The following TCEANC variants were observed in gnomAD, a reference collection of about 807,000 sequenced individuals.
TCEANC encodes the protein transcription elongation factor A N-terminal and central domain containing, also known as transcription elongation factor A N-terminal and central domain-containing protein.
Under a neutral mutation model 8.7 loss-of-function variants are expected in TCEANC, and 8 were observed. That is an observed-to-expected ratio of 0.92 (90% CI 0.54 to 1.65). The LOEUF (loss-of-function observed/expected upper bound fraction) is 1.65, where lower values mean the gene tolerates loss of function less well. Among genes scored for constraint, TCEANC ranks in the 40% most tolerant of loss-of-function variants. The probability of loss-of-function intolerance (pLI) is 0.00; values close to 1 mark genes in which losing one functional copy is unlikely to be tolerated. For missense variants in TCEANC, 255 were observed against 251.9 expected (o/e 1.01, Z -0.08); for synonymous variants, 78 against 92.9 (o/e 0.84, Z 0.92).
Position 13,662,483 on chromosome X carries a change from C to T in TCEANC, c.-8-18C>T, listed in dbSNP as rs778163207. Reference sequence around the variant, plus strand: ...AACGGCAAACTTAAGAAAACTGAAACCTCTTTTTTCTTTGCAGCTGTAAAG... The same window carrying T: ...AACGGCAAACTTAAGAAAACTGAAATCTCTTTTTTCTTTGCAGCTGTAAAG... On this transcript the variant is annotated intron_variant, in intron 1 of 1. Coordinates refer to ENST00000380600, the Ensembl canonical transcript of TCEANC. The T allele has an allele frequency of 2.6e-6, 3 of 1,166,823 alleles. No homozygotes were observed. The highest frequency in any genetic ancestry group is 2.7e-5 in the Admixed American group (1 of 37,306).
intron 1 of TCEANC, 72 bp from the exon 5 acceptor site, chrX:13,662,429 T>A (rs1168411993): frequency 1.0e-6 from 1 of 972,139 alleles, no homozygotes; most frequent in Non-Finnish European, 1.4e-6. Flanking sequence ...CAGAAAGTGC[T>A]ATTTTAGTAT....
At chrX:13,653,981 AC>A (rs1444837243), upstream of TCEANC, among the ~76,000 whole-genome samples, 1 of 111,977 alleles carries the variant, frequency 8.9e-6, no homozygotes, top group East Asian at 2.8e-4. Flanking sequence ...CAGTTCTAGA[AC>A]CGTGGCGTCC....
chrX:13,663,827 G>T lies in TCEANC; in HGVS notation c.*263G>T. The T allele has an allele frequency of 7.5e-6, 2 of 266,652 alleles. 1 individual carries two copies. Among genetic ancestry groups the T allele is most frequent in the Middle Eastern group, 2.3e-3 (2 of 885 alleles). The allele number at this position is 266,652 out of a possible 1,213,427, so 22.0% of individuals were successfully genotyped here. On this transcript the variant is annotated 3_prime_UTR_variant, in exon 2 of 2. Coordinates refer to ENST00000380600, the Ensembl canonical transcript of TCEANC. ...GGTGAGAACAGCCCAGCATAAACTG[G>T]GAGACTGTGGGAAATGCATTCCCAG...
chrX:13,663,277 A>T (rs752241687), exon 2 of TCEANC: 1 of 1,201,937 alleles, frequency 8.3e-7, no homozygotes, highest in Non-Finnish European at 1.1e-6. Flanking sequence ...TGCTGAAATG[A>T]CTGTCATGGA....
At chrX:13,653,983 C>G (rs1464143197), upstream of TCEANC, among the ~76,000 whole-genome samples, 2 of 112,065 alleles carry the variant, frequency 1.8e-5, no homozygotes, top group South Asian at 3.7e-4. Context: ...GTTCTAGAAC[C>G]GTGGCGTCCC....
Position 13,655,381 on chromosome X carries a change from A to G in TCEANC, c.-9+8A>G, listed in dbSNP as rs1386721958. The stretch of plus-strand genomic sequence containing the variant: ...GCCTTCCACTGTGAAGAGGTAAGTG[A>G]GAGGGTGAATATCAGGAATTGTGTA... On this transcript the variant is annotated splice_region_variant and intron_variant, in intron 1 of 1. Transcript: ENST00000380600. 8.9e-6 allele frequency: 1 copy of G among 112,278 alleles called. No individual in the cohort carries two copies. The highest frequency in any genetic ancestry group is 2.8e-4 in the East Asian group (1 of 3,620). The allele number at this position is 112,278 out of a possible 1,213,427, so 9.3% of individuals were successfully genotyped here. A position where few individuals can be genotyped will look rare whatever the true frequency, so the allele number is the denominator to read the frequency against.
upstream of TCEANC, among the ~76,000 whole-genome samples, chrX:13,654,049 G>A (rs916238464): frequency 8.9e-6 from 1 of 112,186 alleles, no homozygotes; most frequent in Admixed American, 9.4e-5. Context: ...TGGCTAGTCC[G>A]AATTGAGATG....
chrX:13,657,040 C>G (rs951573684), intron 1 of TCEANC, among the ~76,000 whole-genome samples: 2 of 111,845 alleles, frequency 1.8e-5, no homozygotes, highest in Non-Finnish European at 3.8e-5. Context: ...ATGGCAGGGA[C>G]TGTGTCTTTT....
exon 2 of TCEANC, chrX:13,662,559 G>C: frequency 8.3e-7 from 1 of 1,211,727 alleles, no homozygotes. Flanking sequence ...TTGAGCAACT[G>C]ATGTCCAAAA....
intron 1 of TCEANC, among the ~76,000 whole-genome samples, chrX:13,660,058 T>C (rs1459655387): frequency 8.9e-6 from 1 of 112,288 alleles, no homozygotes; most frequent in African/African-American, 3.2e-5. Flanking sequence ...GCATATAGTT[T>C]ATCATGAAAT....
chrX:13,660,867 C>T (rs758570421), intron 1 of TCEANC, among the ~76,000 whole-genome samples, 164 bp from the exon 4 acceptor site: 1 of 111,321 alleles, frequency 9.0e-6, no homozygotes, highest in Non-Finnish European at 1.9e-5. Context: ...TTTTTTTAGA[C>T]AGAGTCTTGC....
intron 1 of TCEANC, among the ~76,000 whole-genome samples, chrX:13,656,990 G>A (rs1359935507): frequency 8.9e-6 from 1 of 112,191 alleles, no homozygotes; most frequent in Non-Finnish European, 1.9e-5. Context: ...AGAGTTTTCA[G>A]TTTGGGAGGA....
intron 1 of TCEANC, among the ~76,000 whole-genome samples, chrX:13,661,551 GC>G (rs1569217478): frequency 8.9e-6 from 1 of 112,031 alleles, no homozygotes; most frequent in African/African-American, 3.2e-5. Flanking sequence ...ATAAAACAGA[GC>G]CCATGGATTT....
chrX:13,662,497 G>T lies in TCEANC; in HGVS notation c.-8-4G>T. On this transcript the variant is annotated splice_region_variant and splice_polypyrimidine_tract_variant and intron_variant, in intron 1 of 1. Coordinates refer to ENST00000380600, the Ensembl canonical transcript of TCEANC. ...GAAAACTGAAACCTCTTTTTTCTTT[G>T]CAGCTGTAAAGATGTCTGACAAGAA... 1 of 1,178,037 alleles carries T rather than the reference G, an allele frequency of 8.5e-7. No homozygotes were observed. The highest frequency in any genetic ancestry group is 2.6e-5 in the Admixed American group (1 of 38,167).
At chrX:13,655,583 G>A (rs2045918917) in intron 1 of TCEANC, among the ~76,000 whole-genome samples, 1 of 112,072 alleles carries the variant, frequency 8.9e-6, no homozygotes, top group African/African-American at 3.2e-5. Flanking sequence ...TGTCTTTGGG[G>A]CTGATGGCAG....
rs1265113863 is a variant in TCEANC at position 13,662,382 on chromosome X, A to G, written c.-8-119A>G. 12 of 614,386 alleles carry G rather than the reference A, an allele frequency of 2.0e-5. No individual in the cohort carries two copies. The East Asian group carries it at 3.9e-4, about 20-fold the overall frequency. 50.6% of individuals were successfully genotyped at this position (614,386 alleles called of 1,213,427 possible). On this transcript the variant is annotated intron_variant, in intron 1 of 1. Coordinates refer to ENST00000380600, the Ensembl canonical transcript of TCEANC. ...CTAGCGTGTCGCATACATTTGTATTACATGACTCTTTCGGAAAACATTGCC... is the reference window on the plus strand; with the variant it reads ...CTAGCGTGTCGCATACATTTGTATTGCATGACTCTTTCGGAAAACATTGCC...
upstream of TCEANC, among the ~76,000 whole-genome samples, chrX:13,654,834 TTTG>T (rs1209341849): frequency 5.9e-5 from 2 of 34,049 alleles, no homozygotes; most frequent in East Asian, 2.7e-3. Context: ...CCATGGTTTT[TTTG>T]TTTGTTTGTT....
intron 1 of TCEANC, among the ~76,000 whole-genome samples, 188 bp from the exon 4 acceptor site, chrX:13,660,839 CATTT>C (rs1244324760): frequency 1.8e-5 from 2 of 111,618 alleles, no homozygotes; most frequent in African/African-American, 6.5e-5. Flanking sequence ...CTGGTTTATT[CATTT>C]ATTTATTATT....
At chrX:13,665,408 A>G (rs1272152724) in exon 2 of TCEANC, 2 of 122,800 alleles carry the variant, frequency 1.6e-5, no homozygotes, top group Non-Finnish European at 3.8e-5. Flanking sequence ...TTAAAATGGA[A>G]ATTTCCTTAC....
Sources: allele counts gnomAD v4.1 joint callset (sites outside exome capture counted in the v4.1 genomes callset), GRCh38; gene constraint gnomAD v4.1.1; transcripts MANE v1.5; gene names NCBI Gene and HGNC (gene_info 2026-07-23, HGNC 2026-07-21).